The following RYR3 variants were observed in gnomAD, a reference collection of about 807,000 sequenced individuals.
The protein encoded by RYR3 is brain ryanodine receptor-calcium release channel.
In RYR3, 207 loss-of-function variants were observed where a neutral mutation model predicts 584.3. The ratio of observed to expected loss-of-function variants is 0.35; its 90% CI spans 0.32 to 0.40. RYR3 has a LOEUF of 0.40. Among genes scored for constraint, RYR3 ranks in the 10% least tolerant of loss-of-function variants. RYR3 has a pLI of 1.00. For missense variants in RYR3, 5,616 were observed against 6,089.2 expected (o/e 0.92, Z 2.59); for synonymous variants, 2,416 against 2,248.5 (o/e 1.07, Z -2.11).
intron 11 of RYR3, 103 bp from the exon 12 acceptor site, chr15:33,566,575 G>C: frequency 7.8e-7 from 1 of 1,278,984 alleles, no homozygotes; most frequent in East Asian, 2.3e-5. Flanking sequence ...AGCTTATTTG[G>C]AGAAAGGAAT....
Position 33,390,395 on chromosome 15 carries a change from C to T in RYR3, c.51+79299C>T, listed in dbSNP as rs2041916910. Among the ~76,000 whole-genome samples, 2 of 152,196 alleles carry T rather than the reference C, an allele frequency of 1.3e-5. No homozygotes were observed. Among genetic ancestry groups the T allele is most frequent in the African/African-American group, 4.8e-5 (2 of 41,444 alleles). ...TAATATTTCCAAACACTGATATTTC[C>T]AAACTGATATTTGCAGGACCAAGCC... On this transcript the variant is annotated intron_variant, in intron 1 of 103. Transcript: ENST00000634891. This position sits in a 1 kb window ranked among gnomAD's most constrained non-coding sequence, Gnocchi z 4.2.
chr15:33,823,147 C>A, intron 81 of RYR3, 75 bp downstream of exon 81: 1 of 1,200,560 alleles, frequency 8.3e-7, no homozygotes, highest in Non-Finnish European at 1.2e-6. Flanking sequence ...AAGGGGAGCA[C>A]AAAATATACT....
chr15:33,519,048 C>T (rs1428367417), intron 3 of RYR3, among the ~76,000 whole-genome samples: 1 of 152,190 alleles, frequency 6.6e-6, no homozygotes, highest in African/African-American at 2.4e-5. Flanking sequence ...TCCCTTTCCC[C>T]AGTCTGCTTT....
At chr15:33,550,037 C>A in intron 9 of RYR3, 123 bp from the exon 10 acceptor site, 1 of 1,000,636 alleles carries the variant, frequency 1.0e-6, no homozygotes, top group Non-Finnish European at 1.4e-6. Flanking sequence ...GGTGCGTTTT[C>A]CCTTAAGGAT....
chr15:33,846,155 C>T (rs1036436156), intron 93 of RYR3, among the ~76,000 whole-genome samples: 9 of 152,154 alleles, frequency 5.9e-5, no homozygotes, highest in African/African-American at 1.2e-4. Flanking sequence ...ATGATCTGTC[C>T]GGTAGGGTAG....
At chr15:33,382,167 A>T (rs550831510) in intron 1 of RYR3, among the ~76,000 whole-genome samples, 5 of 147,770 alleles carry the variant, frequency 3.4e-5, no homozygotes, top group Non-Finnish European at 7.4e-5. Flanking sequence ...GGAAAACTGG[A>T]TATGGGGAAG....
intron 1 of RYR3, among the ~76,000 whole-genome samples, chr15:33,369,903 T>C (rs1239717603): frequency 6.6e-6 from 1 of 152,246 alleles, no homozygotes; most frequent in African/African-American, 2.4e-5. Context: ...ACTTTAAGGC[T>C]TAGATCATGG....
rs2077364522 is a variant in RYR3 at position 33,826,082 on chromosome 15, T to C, written c.11147-170T>C. Among the ~76,000 whole-genome samples the C allele has an allele frequency of 1.3e-5, 2 of 152,146 alleles. 1 individual carries two copies. The highest frequency in any genetic ancestry group is 3.9e-4 in the East Asian group (2 of 5,186). On this transcript the variant is annotated intron_variant, in intron 82 of 103. Coordinates refer to ENST00000634891, the MANE Select transcript of RYR3 (RefSeq NM_001036.6). ...TTCTGGTCAGAGCTCATGTCTTTGC[T>C]TAGTATGCAAGGACTTGCTCTGTTT...
chr15:33,619,968 C>T (rs1287695981), intron 19 of RYR3, among the ~76,000 whole-genome samples: 1 of 152,156 alleles, frequency 6.6e-6, no homozygotes, highest in Non-Finnish European at 1.5e-5. Context: ...GTTCTTTTGA[C>T]ACAAACCTTA....
intron 3 of RYR3, among the ~76,000 whole-genome samples, chr15:33,527,354 G>T (rs1400404000): frequency 6.6e-6 from 1 of 152,208 alleles, no homozygotes; most frequent in African/African-American, 2.4e-5. Context: ...GCTGAGGTAG[G>T]TGGATCACTT....
chr15:33,738,702 A>G, intron 50 of RYR3, 112 bp downstream of exon 50: 1 of 1,178,446 alleles, frequency 8.5e-7, no homozygotes, highest in Non-Finnish European at 1.2e-6. Context: ...TGTGCTAAGT[A>G]CTTCACAAGC....
At chr15:33,576,803 C>T (rs1426679038) in intron 12 of RYR3, among the ~76,000 whole-genome samples, 1 of 152,054 alleles carries the variant, frequency 6.6e-6, no homozygotes. Context: ...AGGGTATTCA[C>T]ACAGGAAGAG....
intron 1 of RYR3, among the ~76,000 whole-genome samples, chr15:33,326,356 T>C (rs759177143): frequency 6.6e-5 from 10 of 152,160 alleles, no homozygotes; most frequent in Non-Finnish European, 1.3e-4. Flanking sequence ...GTGCTAGGGA[T>C]TGGAGAAGAT....
intron 3 of RYR3, among the ~76,000 whole-genome samples, chr15:33,524,383 A>G (rs565425851): frequency 2.0e-4 from 31 of 152,350 alleles, no homozygotes; most frequent in African/African-American, 7.2e-4. Flanking sequence ...AGCATAGAAC[A>G]TCCTCAAGAA....
chr15:33,835,562 T>A (rs1302898133), intron 87 of RYR3, among the ~76,000 whole-genome samples: 1 of 152,188 alleles, frequency 6.6e-6, no homozygotes, highest in Non-Finnish European at 1.5e-5. Flanking sequence ...GCATTTATTA[T>A]GAACAAATAA....
At chr15:33,321,802 T>C (rs951913612) in intron 1 of RYR3, among the ~76,000 whole-genome samples, 1 of 152,226 alleles carries the variant, frequency 6.6e-6, no homozygotes, top group Non-Finnish European at 1.5e-5. Context: ...AATCTGAGTG[T>C]TTCACTAACT....
intron 65 of RYR3, among the ~76,000 whole-genome samples, chr15:33,783,243 G>A (rs552419328): frequency 1.1e-4 from 16 of 152,274 alleles, no homozygotes; most frequent in African/African-American, 1.4e-4. Flanking sequence ...ATTTTCAGCC[G>A]GTCTCCAGGT....
At chr15:33,453,703 G>A (rs1443771385) in intron 1 of RYR3, among the ~76,000 whole-genome samples, 6 of 152,080 alleles carry the variant, frequency 3.9e-5, no homozygotes, top group African/African-American at 9.7e-5. Context: ...CAGTTGCCAC[G>A]CAGTTTCCTG....
intron 43 of RYR3, among the ~76,000 whole-genome samples, chr15:33,713,405 G>C (rs955200169): frequency 2.0e-5 from 3 of 151,846 alleles, no homozygotes; most frequent in African/African-American, 7.3e-5. Context: ...CATGGTGATG[G>C]TGGTGGCTGA....
Sources: allele counts gnomAD v4.1 joint callset (sites outside exome capture counted in the v4.1 genomes callset), GRCh38; gene constraint gnomAD v4.1.1; non-coding constraint Gnocchi (gnomAD v3.1); transcripts MANE v1.5; gene names NCBI Gene and HGNC (gene_info 2026-07-23, HGNC 2026-07-21).